The following TMEM143 variants were observed in gnomAD, a reference collection of about 807,000 sequenced individuals.
TMEM143 encodes the protein transmembrane protein 143.
A neutral mutation model predicts 40.3 loss-of-function variants in TMEM143; 45 were observed. The observed-to-expected ratio is 1.12, with a 90% CI of 0.88 to 1.43. The LOEUF is 1.43. Among genes scored for constraint, TMEM143 ranks in the 40% most tolerant of loss-of-function variants. The pLI, the probability that TMEM143 is intolerant of heterozygous loss-of-function variation, is 0.00. For synonymous variants in TMEM143, 299 were observed against 282.7 expected (o/e 1.06, Z -0.58); for missense variants, 620 against 613.4 (o/e 1.01, Z -0.11).
At chr19:48,349,534 A>C (rs1259541590) in intron 3 of TMEM143, among the ~76,000 whole-genome samples, 1 of 151,580 alleles carries the variant, frequency 6.6e-6, no homozygotes, top group African/African-American at 2.4e-5. Flanking sequence ...AATCCCAGCT[A>C]CTCCGGAGGC....
rs1462661795 is a variant in TMEM143 at position 48,333,746 on chromosome 19, A to C, written c.1165+262T>G. 6.6e-6 allele frequency among the ~76,000 whole-genome samples: 1 copy of C among 152,108 alleles called. No individual in the cohort carries two copies. The highest frequency in any genetic ancestry group is 2.4e-5 in the African/African-American group (1 of 41,436). On this transcript the variant is annotated intron_variant, in intron 7 of 7. Coordinates refer to ENST00000293261, the MANE Select transcript of TMEM143 (RefSeq NM_018273.4). The surrounding 1 kb of genome is among the most constrained non-coding windows in gnomAD (Gnocchi z 4.1). ...CAGGATCTCTTGTAGGGAGAGTGTC[A>C]GCTCAGGTAGAGGAAAGAATGACAG...
chr19:48,356,722 C>G (rs1233597516), intron 3 of TMEM143, among the ~76,000 whole-genome samples: 1 of 149,270 alleles, frequency 6.7e-6, no homozygotes, highest in Non-Finnish European at 1.5e-5. Flanking sequence ...CTCAGCCTCC[C>G]GAGTAGCTGG....
chr19:48,349,070 T>C (rs1969708436), intron 3 of TMEM143, among the ~76,000 whole-genome samples: 1 of 152,080 alleles, frequency 6.6e-6, no homozygotes, highest in Non-Finnish European at 1.5e-5. Context: ...TGCACACCTG[T>C]GGTACCAGTT....
chr19:48,336,712 G>A (rs1368681732), intron 6 of TMEM143, among the ~76,000 whole-genome samples: 1 of 150,002 alleles, frequency 6.7e-6, no homozygotes, highest in African/African-American at 2.5e-5. Context: ...AAAAAAAAAA[G>A]CGGTCGGGCG....
intron 6 of TMEM143, among the ~76,000 whole-genome samples, chr19:48,336,028 T>C (rs928947982): frequency 6.6e-6 from 1 of 152,160 alleles, no homozygotes; most frequent in Non-Finnish European, 1.5e-5. Context: ...ACCCCTCTTC[T>C]CATCCTTGAT....
At chr19:48,337,451 G>T (rs887218330) in intron 6 of TMEM143, among the ~76,000 whole-genome samples, 3 of 152,046 alleles carry the variant, frequency 2.0e-5, no homozygotes, top group Non-Finnish European at 4.4e-5. Flanking sequence ...GGAGGCTGAG[G>T]CAGGAGAATG....
intron 3 of TMEM143, among the ~76,000 whole-genome samples, chr19:48,354,505 T>A (rs1969843959): frequency 6.6e-6 from 1 of 152,120 alleles, no homozygotes; most frequent in Non-Finnish European, 1.5e-5. Context: ...CCTTAAGTGA[T>A]CCGCCCACCT....
At chr19:48,345,110 C>T (rs1292395491) in intron 4 of TMEM143, 50 bp downstream of exon 4, 5 of 1,586,480 alleles carry the variant, frequency 3.2e-6, no homozygotes, top group East Asian at 2.3e-5. Context: ...GAGGCTCTGC[C>T]CCACCCTAGA....
At chr19:48,334,848 T>C (rs1969332996) in intron 6 of TMEM143, among the ~76,000 whole-genome samples, 1 of 152,148 alleles carries the variant, frequency 6.6e-6, no homozygotes, top group South Asian at 2.1e-4. Context: ...CCTCCCATAG[T>C]GCTGGGGTTA....
At chr19:48,337,871 G>A (rs1055693678) in intron 6 of TMEM143, among the ~76,000 whole-genome samples, 11 of 152,194 alleles carry the variant, frequency 7.2e-5, no homozygotes, top group East Asian at 3.8e-4. Context: ...AATAGCATGC[G>A]TTAGGGACCG....
rs1428156652 is a variant in TMEM143 at position 48,334,554 on chromosome 19, TCTTC to T, written c.976-361_976-358del. Among the ~76,000 whole-genome samples the T allele has an allele frequency of 2.1e-4, 30 of 145,576 alleles. 1 individual carries two copies. Among genetic ancestry groups the T allele is most frequent in the Admixed American group, 7.4e-4 (11 of 14,864 alleles). Reference sequence around the variant, plus strand: ...TTCTTTTCTTTTCTTTCTTTCTTTTTCTTCCTTCCTTCCTTTCTTTCTTTTCTTT... The same window carrying T: ...TTCTTTTCTTTTCTTTCTTTCTTTTTCTTCCTTCCTTTCTTTCTTTTCTTT... On this transcript the variant is annotated intron_variant, in intron 6 of 7. Transcript: ENST00000293261.
At chr19:48,339,759 C>T (rs192290911) in intron 6 of TMEM143, among the ~76,000 whole-genome samples, 2 of 152,178 alleles carry the variant, frequency 1.3e-5, no homozygotes, top group Non-Finnish European at 2.9e-5. Flanking sequence ...ATGGGAGTCT[C>T]GCTCTGTCAC....
chr19:48,342,488 C>G, intron 6 of TMEM143, 42 bp downstream of exon 6: 10 of 1,556,656 alleles, frequency 6.4e-6, no homozygotes, highest in African/African-American at 1.4e-5. Flanking sequence ...ACCTGGTCCC[C>G]ACAGCGCAGG....
intron 3 of TMEM143, among the ~76,000 whole-genome samples, chr19:48,349,099 G>A (rs980494468): frequency 6.6e-6 from 1 of 151,990 alleles, no homozygotes; most frequent in East Asian, 1.9e-4. Flanking sequence ...GGCTGAGGGA[G>A]GTGGATTGCT....
intron 3 of TMEM143, among the ~76,000 whole-genome samples, chr19:48,355,018 T>C (rs968224856): frequency 1.3e-5 from 2 of 151,982 alleles, no homozygotes; most frequent in Non-Finnish European, 2.9e-5. Context: ...TAAAATAGGC[T>C]TTTTTTAACT....
At chr19:48,348,177 G>A in intron 3 of TMEM143, among the ~76,000 whole-genome samples, 1 of 152,128 alleles carries the variant, frequency 6.6e-6, no homozygotes, top group East Asian at 1.9e-4. Flanking sequence ...TTCCCAGGCT[G>A]AGCTGCAGTT....
intron 2 of TMEM143, 84 bp downstream of exon 2, chr19:48,363,205 GCT>G (rs1970092173): frequency 1.2e-5 from 18 of 1,509,088 alleles, no homozygotes; most frequent in Non-Finnish European, 1.6e-5. Flanking sequence ...CGCCAGGGCA[GCT>G]CTCTGCAGCA....
At chr19:48,350,919 CAAAAAA>C (rs71181680) in intron 3 of TMEM143, among the ~76,000 whole-genome samples, 3 of 88,242 alleles carry the variant, frequency 3.4e-5, no homozygotes, top group African/African-American at 4.5e-5. Context: ...GACTACATCT[CAAAAAA>C]AAAAAAAAAA....
chr19:48,333,950 G>T lies in TMEM143; in HGVS notation c.1165+58C>A. 1 of 1,452,978 alleles carries T rather than the reference G, an allele frequency of 6.9e-7. No homozygotes were observed. Among genetic ancestry groups the T allele is most frequent in the East Asian group, 2.5e-5 (1 of 39,868 alleles). 90.0% of individuals were successfully genotyped at this position (1,452,978 alleles called of 1,614,324 possible). A position where few individuals can be genotyped will look rare whatever the true frequency, so the allele number is the denominator to read the frequency against. Reference sequence around the variant, plus strand: ...CTGGGGGTGGGGACGCATCTCGCTGGGGCGGGGCCTCGCGGGGGTGTGGCC... The same window carrying T: ...CTGGGGGTGGGGACGCATCTCGCTGTGGCGGGGCCTCGCGGGGGTGTGGCC... On this transcript the variant is annotated intron_variant, in intron 7 of 7. Coordinates refer to ENST00000293261, the MANE Select transcript of TMEM143 (RefSeq NM_018273.4). This position sits in a 1 kb window ranked among gnomAD's most constrained non-coding sequence, Gnocchi z 4.1.
Sources: allele counts gnomAD v4.1 joint callset (sites outside exome capture counted in the v4.1 genomes callset), GRCh38; gene constraint gnomAD v4.1.1; non-coding constraint Gnocchi (gnomAD v3.1); transcripts MANE v1.5; gene names NCBI Gene and HGNC (gene_info 2026-07-23, HGNC 2026-07-21).